RBFOX1: variants seen among roughly 807,000 people sequenced by gnomAD.
The protein encoded by RBFOX1 is RNA binding protein fox-1 homolog 1.
RBFOX1 carries 8 observed loss-of-function variants against 57.7 expected under a neutral mutation model. The ratio of observed to expected loss-of-function variants is 0.14; its 90% confidence interval spans 0.08 to 0.25. RBFOX1 has a LOEUF of 0.25. Among genes scored for constraint, RBFOX1 ranks in the 10% least tolerant of loss-of-function variants. The probability of loss-of-function intolerance (pLI) is 1.00; values close to 1 mark genes in which losing one functional copy is unlikely to be tolerated. For synonymous variants in RBFOX1, 326 were observed against 222.4 expected, an observed-to-expected ratio of 1.47 and a Z score of -4.15; for missense variants, 611 against 548.5, an observed-to-expected ratio of 1.11 and a Z score of -1.14.
chr16:6,213,289 T>C (rs2097310502), intron 1 of RBFOX1, among the ~76,000 whole-genome samples: 1 of 152,232 alleles, frequency 6.6e-6, no homozygotes, highest in Non-Finnish European at 1.5e-5. Context: ...TAGGCTGTCA[T>C]GCTTCATTGA....
intron 1 of RBFOX1, among the ~76,000 whole-genome samples, chr16:6,084,490 A>G (rs2096057594): frequency 1.3e-5 from 2 of 152,128 alleles, no homozygotes; most frequent in African/African-American, 4.8e-5. Context: ...GCAATTCCTC[A>G]GCCTCTGCCT....
intron 5 of RBFOX1, among the ~76,000 whole-genome samples, chr16:7,567,759 CTA>C (rs996864090): frequency 6.8e-6 from 1 of 146,112 alleles, no homozygotes; most frequent in African/African-American, 2.5e-5. Context: ...CCATATAACC[CTA>C]TATATATCCC....
chr16:6,273,827 T>C (rs181956360), intron 1 of RBFOX1, among the ~76,000 whole-genome samples: 2 of 152,012 alleles, frequency 1.3e-5, no homozygotes, highest in Admixed American at 1.3e-4. Flanking sequence ...AGGACCAAAA[T>C]CTAGAATATA....
At chr16:5,761,120 T>G (rs1597140234) in intron 3 of RBFOX1, among the ~76,000 whole-genome samples, 1 of 152,058 alleles carries the variant, frequency 6.6e-6, no homozygotes, top group Non-Finnish European at 1.5e-5. Flanking sequence ...ACAGAAAAGA[T>G]GAAGGGGTAG....
intron 4 of RBFOX1, among the ~76,000 whole-genome samples, chr16:5,964,846 T>G (rs2059814175): frequency 6.6e-6 from 1 of 152,064 alleles, no homozygotes; most frequent in South Asian, 2.1e-4. Context: ...ACACACACAA[T>G]GACCTTAGAG....
At chr16:7,047,148 C>T (rs566363017) in intron 3 of RBFOX1, among the ~76,000 whole-genome samples, 15 of 151,772 alleles carry the variant, frequency 9.9e-5, no homozygotes, top group African/African-American at 2.4e-4. Context: ...TTTCCATTTC[C>T]AGCTCTTCCT....
chr16:7,058,877 T>C (rs1277317451), intron 4 of RBFOX1, among the ~76,000 whole-genome samples: 3 of 152,198 alleles, frequency 2.0e-5, no homozygotes, highest in Non-Finnish European at 4.4e-5. Context: ...ATTAACTTCA[T>C]AATGTTACAT....
chr16:6,556,900 A>G lies in RBFOX1; in HGVS notation c.-63-97703A>G, dbSNP rs534659176. The stretch of plus-strand genomic sequence containing the variant: ...AGTAGAGGAGATTTCACTTAACTGG[A>G]TGATCACAGAGTTGAGGTTTTTGTC... On this transcript the variant is annotated intron_variant, in intron 2 of 15. Coordinates refer to ENST00000550418, the MANE Select transcript of RBFOX1 (RefSeq NM_018723.4). 2.4e-4 allele frequency among the ~76,000 whole-genome samples: 37 copies of G among 151,542 alleles called. 1 individual carries two copies. In the South Asian group the frequency reaches 7.1e-3, roughly 29 times the overall value.
chr16:6,365,786 G>C (rs2089493887), intron 2 of RBFOX1, among the ~76,000 whole-genome samples: 1 of 152,202 alleles, frequency 6.6e-6, no homozygotes, highest in African/African-American at 2.4e-5. Flanking sequence ...CAGTATCCAT[G>C]TCTGTAAAAT....
chr16:5,447,879 C>G (rs951144252), intron 1 of RBFOX1, among the ~76,000 whole-genome samples: 3 of 152,230 alleles, frequency 2.0e-5, no homozygotes, highest in African/African-American at 4.8e-5. Flanking sequence ...TCCTGTGACA[C>G]TTTTCATTTC....
At chr16:5,778,880 T>G (rs994893367) in intron 3 of RBFOX1, among the ~76,000 whole-genome samples, 2 of 152,232 alleles carry the variant, frequency 1.3e-5, no homozygotes, top group Non-Finnish European at 2.9e-5. Context: ...CTGCCTGATA[T>G]GATTCCTGTA....
At chr16:6,509,912 C>G (rs866062073) in intron 2 of RBFOX1, among the ~76,000 whole-genome samples, 1 of 152,048 alleles carries the variant, frequency 6.6e-6, no homozygotes, top group Non-Finnish European at 1.5e-5. Flanking sequence ...AACTATATCC[C>G]TGATAATGCA....
chr16:7,340,440 T>G (rs1380535230), intron 4 of RBFOX1, among the ~76,000 whole-genome samples: 1 of 152,228 alleles, frequency 6.6e-6, no homozygotes, highest in Admixed American at 6.5e-5. Flanking sequence ...AAGGCAGGGA[T>G]GGCTGTTTTA....
At chr16:5,355,410 T>A (rs2065363154) in intron 1 of RBFOX1, among the ~76,000 whole-genome samples, 1 of 152,142 alleles carries the variant, frequency 6.6e-6, no homozygotes, top group Admixed American at 6.5e-5. Context: ...TCGTGAAGCC[T>A]GAGGACAAGG....
chr16:6,461,659 A>G (rs1043103104), intron 2 of RBFOX1, among the ~76,000 whole-genome samples: 2 of 152,202 alleles, frequency 1.3e-5, no homozygotes, highest in East Asian at 1.9e-4. Context: ...CATAGGGATA[A>G]CATGATTTTG....
intron 14 of RBFOX1, among the ~76,000 whole-genome samples, chr16:7,684,068 T>G (rs958895673): frequency 1.8e-4 from 28 of 152,148 alleles, no homozygotes; most frequent in African/African-American, 6.8e-4. Flanking sequence ...TATTTCATTT[T>G]AAGTTATCAA....
chr16:6,073,396 T>C (rs2095859583), intron 1 of RBFOX1, among the ~76,000 whole-genome samples: 1 of 152,160 alleles, frequency 6.6e-6, no homozygotes, highest in South Asian at 2.1e-4. Context: ...GGTACTTCTA[T>C]CTCTTAACTT....
intron 4 of RBFOX1, among the ~76,000 whole-genome samples, chr16:7,416,571 C>T (rs1431716463): frequency 6.6e-6 from 1 of 152,138 alleles, no homozygotes; most frequent in Non-Finnish European, 1.5e-5. Flanking sequence ...GTGCAAGATC[C>T]TCTTCTGGGG....
At chr16:7,281,901 C>T (rs1160164230) in intron 4 of RBFOX1, among the ~76,000 whole-genome samples, 2 of 152,116 alleles carry the variant, frequency 1.3e-5, no homozygotes, top group South Asian at 2.1e-4. Flanking sequence ...TACTCTGTCA[C>T]CCAGGATGGA....
Sources: gnomAD v4.1 joint callset for allele counts (sites outside exome capture counted in the v4.1 genomes callset) on GRCh38, gnomAD v4.1.1 for gene constraint, MANE v1.5 for transcripts, NCBI Gene and HGNC (gene_info 2026-07-23, HGNC 2026-07-21) for gene names.